Variants in SNX7 observed in about 807,000 individuals in gnomAD.
SNX7 encodes sorting nexin 7.
In SNX7, 35 loss-of-function variants were observed where a neutral mutation model predicts 48.4. That is an observed-to-expected ratio of 0.72 (90% confidence interval 0.55 to 0.96). The LOEUF (loss-of-function observed/expected upper bound fraction) is 0.96, where lower values mean the gene tolerates loss of function less well. Ranked by LOEUF, SNX7 falls within the 40% of genes least tolerant of loss-of-function variation. The pLI, the probability that SNX7 is intolerant of heterozygous loss-of-function variation, is 0.00. For missense variants in SNX7, 553 were observed against 548.9 expected, an observed-to-expected ratio of 1.01 and a Z score of -0.07; for synonymous variants, 190 against 190.2, an observed-to-expected ratio of 1.00 and a Z score of 0.01.
At chr1:98,674,791 G>A (rs1243651953) in intron 1 of SNX7, among the ~76,000 whole-genome samples, 2 of 152,178 alleles carry the variant, frequency 1.3e-5, no homozygotes, top group Non-Finnish European at 2.9e-5. Context: ...TTTTCTGACA[G>A]TGGATGTATT....
intron 1 of SNX7, among the ~76,000 whole-genome samples, chr1:98,676,703 T>G (rs1013723715): frequency 6.6e-6 from 1 of 152,198 alleles, no homozygotes; most frequent in Non-Finnish European, 1.5e-5. Flanking sequence ...TGATTTCATC[T>G]TTTTTTCCTA....
chr1:98,668,777 G>A (rs1298257693), intron 1 of SNX7, among the ~76,000 whole-genome samples: 1 of 152,192 alleles, frequency 6.6e-6, no homozygotes, highest in Non-Finnish European at 1.5e-5. Context: ...GCAAAACTAG[G>A]ACCACTGGGT....
At chr1:98,744,286 G>A (rs912814581) in intron 8 of SNX7, among the ~76,000 whole-genome samples, 7 of 151,956 alleles carry the variant, frequency 4.6e-5, no homozygotes, top group African/African-American at 1.7e-4. Context: ...TGACTTGAGA[G>A]GAGTGGACAA....
intron 7 of SNX7, among the ~76,000 whole-genome samples, chr1:98,723,963 A>C (rs76294233): frequency 1.6e-4 from 5 of 32,254 alleles, no homozygotes; most frequent in Admixed American, 1.3e-3. Context: ...GTTAGCTGGC[A>C]AAAAAAAATT....
chr1:98,661,580 C>A (rs1649211585), upstream of SNX7: 1 of 696,274 alleles, frequency 1.4e-6, no homozygotes, highest in Non-Finnish European at 1.9e-6. Flanking sequence ...CCCGGGCCAG[C>A]GCTGGTCCCG....
chr1:98,672,732 G>A (rs1649937105), intron 1 of SNX7, among the ~76,000 whole-genome samples: 2 of 150,582 alleles, frequency 1.3e-5, no homozygotes, highest in Middle Eastern at 3.4e-3. Context: ...AGACCATCCT[G>A]GCTAACAAGG....
chr1:98,746,104 T>C (rs1389577514), intron 8 of SNX7, among the ~76,000 whole-genome samples: 4 of 152,028 alleles, frequency 2.6e-5, no homozygotes, highest in African/African-American at 9.7e-5. Context: ...CAAGCCACCA[T>C]AGACTCCGAG....
At chr1:98,744,207 A>G (rs908767751) in intron 8 of SNX7, among the ~76,000 whole-genome samples, 2 of 152,062 alleles carry the variant, frequency 1.3e-5, no homozygotes, top group Admixed American at 1.3e-4. Flanking sequence ...AGAATTTAGT[A>G]AAGTAGCTTA....
intron 8 of SNX7, among the ~76,000 whole-genome samples, chr1:98,752,943 T>G (rs1654658737): frequency 6.6e-6 from 1 of 152,050 alleles, no homozygotes; most frequent in Admixed American, 6.6e-5. Flanking sequence ...CATCTCATTC[T>G]CTTGGCCCAG....
intron 7 of SNX7, among the ~76,000 whole-genome samples, chr1:98,728,344 TTCA>T (rs1397814736): frequency 6.6e-6 from 1 of 152,188 alleles, no homozygotes; most frequent in African/African-American, 2.4e-5. Context: ...GCTGAGGGAA[TTCA>T]TCACCACCAG....
chr1:98,688,798 A>G (rs1347851525), intron 2 of SNX7, among the ~76,000 whole-genome samples: 1 of 152,184 alleles, frequency 6.6e-6, no homozygotes, highest in Non-Finnish European at 1.5e-5. Context: ...TTATACTCCA[A>G]ATGCACTTTA....
intron 5 of SNX7, among the ~76,000 whole-genome samples, chr1:98,695,921 A>G (rs932473714): frequency 2.0e-5 from 3 of 152,194 alleles, no homozygotes; most frequent in African/African-American, 7.2e-5. Context: ...ATCAATCACT[A>G]GCTGCTCTAC....
intron 6 of SNX7, among the ~76,000 whole-genome samples, chr1:98,699,117 C>A (rs974815181): frequency 6.6e-6 from 1 of 152,112 alleles, no homozygotes; most frequent in Non-Finnish European, 1.5e-5. Flanking sequence ...AATAGCAACA[C>A]CAACAATTTA....
intron 1 of SNX7, among the ~76,000 whole-genome samples, chr1:98,673,365 T>G (rs1456618617): frequency 6.6e-6 from 1 of 152,192 alleles, no homozygotes; most frequent in African/African-American, 2.4e-5. Context: ...CGTTACCTCC[T>G]CAAAGAAGCT....
rs943068374 is a variant in SNX7 at position 98,760,377 on chromosome 1, A to C, written c.*246A>C. 1 of 328,584 alleles carries C rather than the reference A, an allele frequency of 3.0e-6. No homozygotes were observed. Among genetic ancestry groups the C allele is most frequent in the Non-Finnish European group, 5.5e-6 (1 of 181,074 alleles). 20.4% of individuals were successfully genotyped at this position (328,584 alleles called of 1,614,324 possible). ...ACAGAGAGATATCTGGCTTGGTTTT[A>C]ATTATGTTCTTAAATTTGTGTGCCA... On this transcript the variant is annotated 3_prime_UTR_variant, in exon 9 of 9. Coordinates refer to ENST00000306121, the MANE Select transcript of SNX7 (RefSeq NM_015976.5).
At chr1:98,703,351 C>T (rs1372911835) in intron 7 of SNX7, among the ~76,000 whole-genome samples, 2 of 152,060 alleles carry the variant, frequency 1.3e-5, no homozygotes, top group Admixed American at 6.6e-5. Flanking sequence ...CTTGTGTCTA[C>T]GAAGTCTAAC....
intron 8 of SNX7, among the ~76,000 whole-genome samples, chr1:98,752,761 G>C (rs1236353400): frequency 2.0e-5 from 3 of 151,926 alleles, no homozygotes; most frequent in Non-Finnish European, 4.4e-5. Flanking sequence ...GTATAGATCT[G>C]TTCCTAGAAA....
At position 98,756,422 on chromosome 1, in the gene SNX7, G is replaced by GTTTTTTTTTTTTTTTT. The variant is rs35117249; in HGVS notation, c.1279-3623_1279-3608dup. On this transcript the variant is annotated intron_variant, in intron 8 of 8. Coordinates refer to ENST00000306121, the MANE Select transcript of SNX7 (RefSeq NM_015976.5). ...GGTCTCTTTTTTTTCTGCCAGATGAGTTTTTTTTTTTTTTTTTTTTTTTTA... is the reference window on the plus strand; with the variant it reads ...GGTCTCTTTTTTTTCTGCCAGATGAGTTTTTTTTTTTTTTTTTTTTTTTTTTTTTTTTTTTTTTTTA... Among the ~76,000 whole-genome samples, 10 of 54,686 alleles carry GTTTTTTTTTTTTTTTT rather than the reference G, an allele frequency of 1.8e-4. 1 individual carries two copies. Among genetic ancestry groups the GTTTTTTTTTTTTTTTT allele is most frequent in the Non-Finnish European group, 2.9e-4 (9 of 31,330 alleles). The allele number at this position is 54,686 out of a possible 152,430, so 35.9% of individuals were successfully genotyped here. A position where few individuals can be genotyped will look rare whatever the true frequency, so the allele number is the denominator to read the frequency against.
At chr1:98,678,228 A>G (rs183315795) in intron 1 of SNX7, among the ~76,000 whole-genome samples, 3 of 152,260 alleles carry the variant, frequency 2.0e-5, no homozygotes, top group Non-Finnish European at 4.4e-5. Flanking sequence ...AGGGAGCAAG[A>G]GAAAGAGGAC....
Sources: gnomAD v4.1 joint callset for allele counts (sites outside exome capture counted in the v4.1 genomes callset) on GRCh38, gnomAD v4.1.1 for gene constraint, MANE v1.5 for transcripts, NCBI Gene and HGNC (gene_info 2026-07-23, HGNC 2026-07-21) for gene names.